PLIN3: variants seen among roughly 807,000 people sequenced by gnomAD.
PLIN3 encodes perilipin-3.
A neutral mutation model predicts 35.9 loss-of-function variants in PLIN3; 30 were observed. The ratio of observed to expected loss-of-function variants is 0.84; its 90% CI spans 0.62 to 1.13. The LOEUF (loss-of-function observed/expected upper bound fraction) is 1.13. PLIN3 is among the 50% of genes most tolerant of loss of function. The probability of loss-of-function intolerance (pLI) is 0.00; values close to 1 mark genes in which losing one functional copy is unlikely to be tolerated. For missense variants in PLIN3, 603 were observed against 596.9 expected, an observed-to-expected ratio of 1.01 and a Z score of -0.11; for synonymous variants, 261 against 262.5, an observed-to-expected ratio of 0.99 and a Z score of 0.06.
chr19:4,864,098 A>AATGTGTGTGTGTGT (rs1172963843), intron 1 of PLIN3, among the ~76,000 whole-genome samples: 37 of 125,388 alleles, frequency 3.0e-4, no homozygotes, highest in East Asian at 9.3e-4. Context: ...ACACCTGGCT[A>AATGTGTGTGTGTGT]GTGTGTGTGT....
intron 4 of PLIN3, among the ~76,000 whole-genome samples, chr19:4,855,918 T>C (rs1179934852): frequency 3.4e-5 from 3 of 88,022 alleles, no homozygotes; most frequent in Non-Finnish European, 7.1e-5. Context: ...GAGCAAGACC[T>C]TGTCTCAAAA....
chr19:4,860,411 G>A lies in PLIN3; in HGVS notation c.67-387C>T, dbSNP rs371470557. 5.5e-4 allele frequency among the ~76,000 whole-genome samples: 84 copies of A among 151,852 alleles called. No individual in the cohort carries two copies. In the East Asian group the frequency reaches 0.015, roughly 27 times the overall value. Reference sequence around the variant, plus strand: ...GTAGAGATGGGGTTTCACCATGTTGGCCAGGCTGGTCTTGAACTCCTGACC... The same window carrying A: ...GTAGAGATGGGGTTTCACCATGTTGACCAGGCTGGTCTTGAACTCCTGACC... On this transcript the variant is annotated intron_variant, in intron 2 of 7. Transcript: ENST00000221957.
intron 1 of PLIN3, among the ~76,000 whole-genome samples, chr19:4,862,954 C>T (rs2030722471): frequency 6.6e-6 from 1 of 151,090 alleles, no homozygotes; most frequent in African/African-American, 2.4e-5. Context: ...GTCAGGAGTT[C>T]GAGTCCAGCC....
chr19:4,854,542 T>C (rs2030410865), intron 4 of PLIN3, among the ~76,000 whole-genome samples: 1 of 152,094 alleles, frequency 6.6e-6, no homozygotes, highest in African/African-American at 2.4e-5. Flanking sequence ...CAGCTGGGAC[T>C]ACAGGCGTGC....
At chr19:4,844,955 G>A (rs923103519) in intron 6 of PLIN3, among the ~76,000 whole-genome samples, 162 bp from the exon 7 acceptor site, 1 of 152,154 alleles carries the variant, frequency 6.6e-6, no homozygotes, top group Non-Finnish European at 1.5e-5. Flanking sequence ...TGAGCTCTGG[G>A]GCCTTTGGTT....
At chr19:4,850,914 T>C (rs12609724) in intron 5 of PLIN3, among the ~76,000 whole-genome samples, 30,933 of 151,792 alleles carry the variant, frequency 0.2, 3,893 homozygotes, top group East Asian at 0.46. Context: ...TCCCCGCACT[T>C]TGGGGGGCTA....
rs991146177 is a variant in PLIN3 at position 4,846,320 on chromosome 19, A to G, written c.834+1371T>C. The stretch of plus-strand genomic sequence containing the variant: ...AACAGAGTGAGCCCCTGTCTCTGGA[A>G]AAAAAAAAAAAAAAATCGTCATAAA... On this transcript the variant is annotated intron_variant, in intron 6 of 7. Transcript: ENST00000221957. Among the ~76,000 whole-genome samples the G allele has an allele frequency of 3.7e-3, 76 of 20,808 alleles. No individual in the cohort carries two copies. In the East Asian group the frequency reaches 0.33, roughly 89 times the overall value. The allele number at this position is 20,808 out of a possible 152,430, so 13.7% of individuals were successfully genotyped here. A position where few individuals can be genotyped will look rare whatever the true frequency, so the allele number is the denominator to read the frequency against.
At position 4,844,672 on chromosome 19, in the gene PLIN3, G is replaced by A. The variant is rs1210404169; in HGVS notation, c.956C>T (p.Pro319Leu). 2.5e-6 allele frequency: 4 copies of A among 1,609,052 alleles called. No homozygotes were observed. Among genetic ancestry groups the A allele is most frequent in the Non-Finnish European group, 2.5e-6 (3 of 1,178,196 alleles). ...CCCCAGTCCCCTCATGGGTACCTCT[G>A]GCTTGGGCGGCTCCTTCTCGGGGCC... ...LQGPEKEPPK[P>L]EQVESRALTM... is the part of the protein sequence containing the mutation. Residue 319 changes from proline (P) to leucine (L), a missense_variant, in exon 7 of 8, where the codon CCA (proline) becomes CTA (leucine). Coordinates refer to ENST00000221957, the MANE Select transcript of PLIN3 (RefSeq NM_005817.5).
At chr19:4,839,723 T>C (rs1368658518) in intron 7 of PLIN3, among the ~76,000 whole-genome samples, 187 bp from the exon 8 acceptor site, 3 of 151,576 alleles carry the variant, frequency 2.0e-5, no homozygotes, top group Non-Finnish European at 4.4e-5. Flanking sequence ...TGGAGTGCAG[T>C]GGCACAATCT....
At chr19:4,841,485 G>A (rs2029890620) in intron 7 of PLIN3, among the ~76,000 whole-genome samples, 1 of 152,010 alleles carries the variant, frequency 6.6e-6, no homozygotes, top group South Asian at 2.1e-4. Context: ...TGGGAAAAGG[G>A]TTTCTTTTTA....
At chr19:4,861,920 A>C (rs1367754826) in intron 1 of PLIN3, among the ~76,000 whole-genome samples, 1 of 149,572 alleles carries the variant, frequency 6.7e-6, no homozygotes, top group Non-Finnish European at 1.5e-5. Flanking sequence ...GGTGTGAGCC[A>C]CCACACCTGA....
chr19:4,867,624 G>C lies in PLIN3; in HGVS notation c.-33C>G, dbSNP rs1163870480. On this transcript the variant is annotated 5_prime_UTR_variant, in exon 1 of 8. Coordinates refer to ENST00000221957, the MANE Select transcript of PLIN3 (RefSeq NM_005817.5). ...CGCCACTCACCGCGGTCAACCGGAC[G>C]TCCCAGGAACAGCTGCCGCGACTTC... is the stretch of plus-strand genomic sequence containing the variant. The C allele has an allele frequency of 2.0e-5, 3 of 152,058 alleles. No individual in the cohort carries two copies. Among genetic ancestry groups the C allele is most frequent in the Non-Finnish European group, 4.4e-5 (3 of 68,046 alleles). The allele number at this position is 152,058 out of a possible 1,614,324, so 9.4% of individuals were successfully genotyped here.
At chr19:4,843,223 T>C (rs779516177) in intron 7 of PLIN3, among the ~76,000 whole-genome samples, 1 of 114,000 alleles carries the variant, frequency 8.8e-6, no homozygotes, top group African/African-American at 3.5e-5. Flanking sequence ...AATAAATAAA[T>C]AGGCAGGGTG....
rs372100978 is a variant in PLIN3, at chr19:4,859,989, C to A, written c.102G>T (p.Leu34=). The A allele has an allele frequency of 1.2e-6, 2 of 1,614,086 alleles. No individual in the cohort carries two copies. The highest frequency in any genetic ancestry group is 8.5e-7 in the Non-Finnish European group (1 of 1,180,020). ...SVVDRVASMP[L]ISSTCDMVSA... ...ACACCATGTCGCAGGTGGAGCTGAT[C>A]AGAGGCATGCTGGCCACACGGTCCA... Residue 34 remains leucine, a synonymous_variant, in exon 3 of 8, where the codon CTG becomes CTT. Transcript: ENST00000221957.
intron 4 of PLIN3, among the ~76,000 whole-genome samples, chr19:4,857,788 C>G (rs932752192): frequency 6.6e-6 from 1 of 151,584 alleles, no homozygotes; most frequent in Non-Finnish European, 1.5e-5. Context: ...CCAGCCTGAC[C>G]AACATGGTAA....
At chr19:4,854,939 A>G (rs1568378295) in intron 4 of PLIN3, among the ~76,000 whole-genome samples, 1 of 151,632 alleles carries the variant, frequency 6.6e-6, no homozygotes, top group Non-Finnish European at 1.5e-5. Flanking sequence ...ACATAGTAAG[A>G]CCTCACCTCT....
intron 4 of PLIN3, among the ~76,000 whole-genome samples, chr19:4,854,871 T>A (rs146113565): frequency 1.3e-4 from 20 of 152,038 alleles, no homozygotes; most frequent in Non-Finnish European, 2.5e-4. Flanking sequence ...TCCCGGCACT[T>A]TGGGAGGCTG....
chr19:4,839,425 G>C lies in PLIN3; in HGVS notation c.1072C>G (p.Gln358Glu), dbSNP rs758965867. The change falls in exon 8 of 8, where the codon CAG becomes GAG. Residue 358 changes from glutamine to glutamate, a missense_variant. Gln to Glu is a conservative substitution (Grantham distance 29). Coordinates refer to ENST00000221957, the MANE Select transcript of PLIN3 (RefSeq NM_005817.5). The part of the protein sequence containing the change: ...IQGLPTNVKD[Q>E]VQQARRQVED... The stretch of plus-strand genomic sequence containing the variant: ...ACCTGGCGGCGGGCCTGCTGCACCT[G>C]GTCCTTCACATTGGTGGGGAGGCCC... The C allele has an allele frequency of 6.2e-7, 1 of 1,605,474 alleles. No homozygotes were observed. Among genetic ancestry groups the C allele is most frequent in the Non-Finnish European group, 8.5e-7 (1 of 1,173,512 alleles).
intron 6 of PLIN3, 83 bp from the exon 7 acceptor site, chr19:4,844,876 A>AGCATCT (rs2030034862): frequency 7.0e-7 from 1 of 1,420,496 alleles, no homozygotes; most frequent in Non-Finnish European, 9.4e-7. Context: ...GAATCCTTCC[A>AGCATCT]GCATCTGACT....
Sources: gnomAD v4.1 joint callset for allele counts (sites outside exome capture counted in the v4.1 genomes callset) on GRCh38, gnomAD v4.1.1 for gene constraint, MANE v1.5 for transcripts, NCBI Gene and HGNC (gene_info 2026-07-23, HGNC 2026-07-21) for gene names.